Variants in DENND4A observed in about 807,000 individuals in gnomAD.
The protein encoded by DENND4A is DENN domain containing 4A.
DENND4A carries 70 observed loss-of-function variants against 199.3 expected under a neutral mutation model. The observed-to-expected ratio is 0.35, with a 90% CI of 0.29 to 0.43. The LOEUF (loss-of-function observed/expected upper bound fraction) is 0.43. Ranked by LOEUF, DENND4A falls within the 20% of genes least tolerant of loss-of-function variation. The probability of loss-of-function intolerance (pLI) is 1.00; values close to 1 mark genes in which losing one functional copy is unlikely to be tolerated. For missense variants in DENND4A, 1,723 were observed against 2,255.8 expected, an observed-to-expected ratio of 0.76 and a Z score of 4.78; for synonymous variants, 686 against 766.9, an observed-to-expected ratio of 0.89 and a Z score of 1.74.
At chr15:65,691,666 T>C (rs1241595766) in intron 22 of DENND4A, among the ~76,000 whole-genome samples, 155 bp from the exon 23 acceptor site, 1 of 152,132 alleles carries the variant, frequency 6.6e-6, no homozygotes, top group Non-Finnish European at 1.5e-5. Flanking sequence ...TTTACTTATA[T>C]TTCCTACTGT....
At position 65,690,508 on chromosome 15, in the gene DENND4A, A is replaced by G. The variant is rs1170481243; in HGVS notation, c.4086T>C (p.Val1362=). 8.7e-6 allele frequency: 14 copies of G among 1,613,308 alleles called. No homozygotes were observed. The highest frequency in any genetic ancestry group is 1.2e-5 in the Non-Finnish European group (14 of 1,179,588). Residue 1362 remains valine, a synonymous_variant, in exon 23 of 33, where the codon GTT becomes GTC. Coordinates refer to ENST00000443035, the MANE Select transcript of DENND4A (RefSeq NM_001320835.1). ...CAGCAGTGAACATACTGTTTCTTAGAACATCTAGTTTAGGTACTAGTAGTG... is the reference window on the plus strand; with the variant it reads ...CAGCAGTGAACATACTGTTTCTTAGGACATCTAGTTTAGGTACTAGTAGTG... ...LDTLLVPKLD[V]LRNSMFTAGK...
At position 65,737,914 on chromosome 15, in the gene DENND4A, G is replaced by T; in HGVS notation, c.833C>A (p.Pro278Gln). 6.3e-7 allele frequency: 1 copy of T among 1,597,458 alleles called. No homozygotes were observed. Among genetic ancestry groups the T allele is most frequent in the South Asian group, 1.1e-5 (1 of 88,348 alleles). ...TTCTGTGAGATTCTCCTCAGAGTAT[G>T]GTTCATAAAACTGAATAGCAGCACC... ...VYGAAIQFYE[P>Q]YSEENLTEKQ... The change falls in exon 7 of 33, where the codon CCA (proline) becomes CAA (glutamine). Residue 278 changes from proline to glutamine, a missense_variant. Pro to Gln is a moderately conservative substitution (Grantham distance 76, BLOSUM62 -1). Coordinates refer to ENST00000443035, the MANE Select transcript of DENND4A (RefSeq NM_001320835.1).
At chr15:65,742,650 G>A (rs1011491785) in intron 4 of DENND4A, among the ~76,000 whole-genome samples, 2 of 152,132 alleles carry the variant, frequency 1.3e-5, no homozygotes, top group African/African-American at 4.8e-5. Flanking sequence ...TGTTGGCCAG[G>A]CTGGTCTCGA....
rs773622170 is a variant in DENND4A at position 65,690,529 on chromosome 15, T to C, written c.4065A>G (p.Leu1355=). 6.2e-7 allele frequency: 1 copy of C among 1,613,426 alleles called. No individual in the cohort carries two copies. Among genetic ancestry groups the C allele is most frequent in the Non-Finnish European group, 8.5e-7 (1 of 1,179,650 alleles). ...HSSPSFNLDT[L]LVPKLDVLRN... is the part of the protein sequence containing the mutation. ...TTAGAACATCTAGTTTAGGTACTAGTAGTGTATCTAAGTTAAATGAAGGTG... is the reference window on the plus strand; with the variant it reads ...TTAGAACATCTAGTTTAGGTACTAGCAGTGTATCTAAGTTAAATGAAGGTG... The change falls in exon 23 of 33, where the codon CTA becomes CTG. Residue 1355 remains leucine (L), a synonymous_variant. Transcript: ENST00000443035.
At chr15:65,735,109 G>A (rs942697675) in intron 7 of DENND4A, among the ~76,000 whole-genome samples, 6 of 151,478 alleles carry the variant, frequency 4.0e-5, no homozygotes, top group African/African-American at 7.3e-5. Context: ...AAGGCGCGGC[G>A]GCTCACACCT....
At chr15:65,776,053 T>C (rs1361807156) in intron 1 of DENND4A, among the ~76,000 whole-genome samples, 1 of 152,204 alleles carries the variant, frequency 6.6e-6, no homozygotes, top group Admixed American at 6.5e-5. Flanking sequence ...TCTCTTTTTG[T>C]ATGCTTCTAG....
At position 65,697,222 on chromosome 15, in the gene DENND4A, T is replaced by G. The variant is rs770450452; in HGVS notation, c.2950+45A>C. The G allele has an allele frequency of 2.5e-6, 3 of 1,204,146 alleles. No homozygotes were observed. In the South Asian group the frequency reaches 4.1e-5, roughly 16 times the overall value. The allele number at this position is 1,204,146 out of a possible 1,614,324, so 74.6% of individuals were successfully genotyped here. ...TAAAATCACCTGCATTTTCTATGAATATAAGTTCTCAATTTTATACAATAT... is the reference window on the plus strand; with the variant it reads ...TAAAATCACCTGCATTTTCTATGAAGATAAGTTCTCAATTTTATACAATAT... On this transcript the variant is annotated intron_variant, in intron 21 of 32. Transcript: ENST00000443035.
rs751973911 is a variant in DENND4A, at chr15:65,691,240, G to A, written c.3354C>T (p.Ser1118=). The part of the protein sequence containing the change: ...AKILSNVISK[S]TRPNTLDIGK... ...CAATATCAAGAGTATTTGGTCTCGT[G>A]CTTTTTGAGATAACATTTGAAAGAA... Residue 1118 remains serine (S), a synonymous_variant, in exon 23 of 33, where the codon AGC becomes AGT. Coordinates refer to ENST00000443035, the MANE Select transcript of DENND4A (RefSeq NM_001320835.1). 6.2e-7 allele frequency: 1 copy of A among 1,613,252 alleles called. No homozygotes were observed. The highest frequency in any genetic ancestry group is 8.5e-7 in the Non-Finnish European group (1 of 1,179,588).
In DENND4A at chr15:65,752,403, G is replaced by A. The variant is rs765578634; in HGVS notation, c.537C>T (p.Val179=). Residue 179 remains valine, a synonymous_variant, in exon 4 of 33, where the codon GTC becomes GTT. Coordinates refer to ENST00000443035, the MANE Select transcript of DENND4A (RefSeq NM_001320835.1). ...GESPPHTFCK[V]DKNLNNSMWG... is the part of the protein sequence containing the mutation. ...CCATACTGTTATTGAGATTCTTGTC[G>A]ACTTTGCAGAACGTGTGTGGTGGGC... The A allele has an allele frequency of 8.2e-6, 13 of 1,584,956 alleles. No individual in the cohort carries two copies. The highest frequency in any genetic ancestry group is 6.7e-5 in the South Asian group (6 of 90,164).
At position 65,673,887 on chromosome 15, in the gene DENND4A, A is replaced by G. The variant is rs1160860180; in HGVS notation, c.4370-2001T>C. Among the ~76,000 whole-genome samples, 3 of 152,292 alleles carry G rather than the reference A, an allele frequency of 2.0e-5. No homozygotes were observed. The East Asian group carries it at 5.8e-4, about 29-fold the overall frequency. On this transcript the variant is annotated intron_variant, in intron 24 of 32. Transcript: ENST00000443035. ...TTTATTTGAGCAGCCTACCTTTTGT[A>G]TCTAACTAATCTACAGTATAGAATA...
chr15:65,710,539 C>T (rs2075214742), intron 14 of DENND4A, among the ~76,000 whole-genome samples: 1 of 152,022 alleles, frequency 6.6e-6, no homozygotes, highest in Admixed American at 6.6e-5. Context: ...GTGAGAAAAT[C>T]ATTCAAAGTT....
At position 65,667,943 on chromosome 15, in the gene DENND4A, A is replaced by C. The variant is rs1464984831; in HGVS notation, c.4968T>G (p.Ala1656=). Reference sequence around the variant, plus strand: ...TACATACTGTAGCTCCTTGTAAAGTAGCTGGCAGGCTGCCTGTAGAAATGA... The same window carrying C: ...TACATACTGTAGCTCCTTGTAAAGTCGCTGGCAGGCTGCCTGTAGAAATGA... ...QKLISTGSLP[A]TLQGATDSLG... The change falls in exon 28 of 33, where the codon GCT becomes GCG. Residue 1656 remains alanine, a synonymous_variant. Transcript: ENST00000443035. 6.2e-7 allele frequency: 1 copy of C among 1,607,916 alleles called. No individual in the cohort carries two copies. Among genetic ancestry groups the C allele is most frequent in the South Asian group, 1.1e-5 (1 of 89,504 alleles).
intron 32 of DENND4A, 44 bp from the exon 33 acceptor site, chr15:65,662,031 T>C: frequency 6.5e-7 from 1 of 1,532,194 alleles, no homozygotes; most frequent in Non-Finnish European, 8.8e-7. Flanking sequence ...GAAATTTAGG[T>C]CTGATGTTGA....
At chr15:65,779,447 C>CAA (rs201529484) in intron 1 of DENND4A, among the ~76,000 whole-genome samples, 3 of 64,650 alleles carry the variant, frequency 4.6e-5, no homozygotes, top group Non-Finnish European at 6.7e-5. Flanking sequence ...GACTCTGTCT[C>CAA]AAAAAAAAAA....
At chr15:65,752,841 T>C (rs2076604322) in intron 3 of DENND4A, among the ~76,000 whole-genome samples, 1 of 152,200 alleles carries the variant, frequency 6.6e-6, no homozygotes, top group African/African-American at 2.4e-5. Flanking sequence ...GACAAACCAT[T>C]GTGTTTGTTA....
chr15:65,692,469 T>C (rs1477412257), intron 22 of DENND4A, among the ~76,000 whole-genome samples: 1 of 152,162 alleles, frequency 6.6e-6, no homozygotes, highest in African/African-American at 2.4e-5. Flanking sequence ...CTATTCTTCT[T>C]ACATGCTTTA....
At chr15:65,776,720 CA>C (rs2077293596) in intron 1 of DENND4A, among the ~76,000 whole-genome samples, 1 of 152,134 alleles carries the variant, frequency 6.6e-6, no homozygotes, top group African/African-American at 2.4e-5. Context: ...CCCAGAGGTT[CA>C]GAATGAAATC....
chr15:65,737,613 C>G, intron 7 of DENND4A, 94 bp downstream of exon 7: 1 of 1,243,880 alleles, frequency 8.0e-7, no homozygotes, highest in Non-Finnish European at 1.1e-6. Context: ...CTTGAGAAAT[C>G]TAGTATCCAT....
chr15:65,721,144 A>T lies in DENND4A; in HGVS notation c.1588+1704T>A, dbSNP rs547401563. Among the ~76,000 whole-genome samples the T allele has an allele frequency of 4.6e-5, 7 of 151,538 alleles. No individual in the cohort carries two copies. The East Asian group carries it at 1.4e-3, about 29-fold the overall frequency. On this transcript the variant is annotated intron_variant, in intron 12 of 32. Coordinates refer to ENST00000443035, the MANE Select transcript of DENND4A (RefSeq NM_001320835.1). Reference sequence around the variant, plus strand: ...AATAATATTTGAATATTGCTACAATAGCTGTTGGGCTTCTTAGCTATTCAA... The same window carrying T: ...AATAATATTTGAATATTGCTACAATTGCTGTTGGGCTTCTTAGCTATTCAA...
Sources: gnomAD v4.1 joint callset for allele counts (sites outside exome capture counted in the v4.1 genomes callset) on GRCh38, gnomAD v4.1.1 for gene constraint, MANE v1.5 for transcripts, NCBI Gene and HGNC (gene_info 2026-07-23, HGNC 2026-07-21) for gene names.